The following PAG1 variants were observed in gnomAD, a reference collection of about 807,000 sequenced individuals.
PAG1 encodes phosphoprotein associated with glycosphingolipid-enriched microdomains 1.
In PAG1, 23 loss-of-function variants were observed where a neutral mutation model predicts 31.7. The observed-to-expected ratio is 0.73, with a 90% confidence interval of 0.52 to 1.03. PAG1 has a LOEUF of 1.03. Among genes scored for constraint, PAG1 ranks in the 50% least tolerant of loss-of-function variants. PAG1 has a pLI of 0.00. For synonymous variants in PAG1, 214 were observed against 210.3 expected, an observed-to-expected ratio of 1.02 and a Z score of -0.15; for missense variants, 473 against 540.7, an observed-to-expected ratio of 0.87 and a Z score of 1.24.
intron 4 of PAG1, among the ~76,000 whole-genome samples, chr8:80,991,961 A>G (rs891878280): frequency 6.6e-6 from 1 of 152,026 alleles, no homozygotes; most frequent in African/African-American, 2.4e-5. Flanking sequence ...GCACGCCAGG[A>G]AGGGTACATG....
intron 1 of PAG1, among the ~76,000 whole-genome samples, chr8:81,078,723 A>G (rs1300682508): frequency 6.6e-6 from 1 of 152,162 alleles, no homozygotes; most frequent in East Asian, 1.9e-4. Context: ...CAAAAGAAAA[A>G]TTGTCCAGTG....
rs187357835 is a variant in PAG1 at position 81,060,539 on chromosome 8, T to C, written c.-175+9573A>G. On this transcript the variant is annotated intron_variant, in intron 2 of 8. Transcript: ENST00000220597. ...TTTAGAATAGAAGAAAGCTATTCTT[T>C]CCAGAACAAAATAAATTTCTCTCAG... Among the ~76,000 whole-genome samples the C allele has an allele frequency of 2.9e-3, 439 of 152,354 alleles. 4 individuals carry two copies. Among genetic ancestry groups the C allele is most frequent in the African/African-American group, 0.01 (425 of 41,584 alleles).
At chr8:81,054,686 A>T in intron 2 of PAG1, among the ~76,000 whole-genome samples, 1 of 152,132 alleles carries the variant, frequency 6.6e-6, no homozygotes, top group Non-Finnish European at 1.5e-5. Context: ...AAAAAGAAAA[A>T]AAAAAGAGTA....
chr8:80,992,970 T>G, intron 4 of PAG1, 133 bp downstream of exon 4: 2 of 675,790 alleles, frequency 3.0e-6, no homozygotes, highest in East Asian at 2.8e-5. Flanking sequence ...GAGAAGAGAG[T>G]TAAAGCTAAT....
At chr8:81,064,839 T>C (rs1808976958) in intron 2 of PAG1, among the ~76,000 whole-genome samples, 1 of 152,234 alleles carries the variant, frequency 6.6e-6, no homozygotes, top group Non-Finnish European at 1.5e-5. Context: ...GTTATCTCCA[T>C]GCCTGAGGCT....
intron 2 of PAG1, among the ~76,000 whole-genome samples, chr8:81,052,956 A>G (rs892275450): frequency 1.3e-5 from 2 of 152,240 alleles, no homozygotes; most frequent in African/African-American, 4.8e-5. Flanking sequence ...ATGAGCGGAT[A>G]TTTATTATCC....
At chr8:80,999,715 A>C (rs914960396) in intron 3 of PAG1, among the ~76,000 whole-genome samples, 1 of 152,216 alleles carries the variant, frequency 6.6e-6, no homozygotes, top group Non-Finnish European at 1.5e-5. Context: ...ACTTGTCTTC[A>C]ATAATACATT....
intron 3 of PAG1, among the ~76,000 whole-genome samples, chr8:81,019,004 A>G (rs1350599319): frequency 6.6e-6 from 1 of 152,218 alleles, no homozygotes; most frequent in African/African-American, 2.4e-5. Context: ...TGATATGGAC[A>G]ATAAAGTCCC....
chr8:81,055,505 T>C (rs1020142530), intron 2 of PAG1, among the ~76,000 whole-genome samples: 14 of 152,070 alleles, frequency 9.2e-5, no homozygotes, highest in Non-Finnish European at 1.6e-4. Flanking sequence ...AAGTCACTGG[T>C]AGCTTGATGG....
At chr8:80,980,372 T>C (rs2130368960) in intron 8 of PAG1, 63 bp downstream of exon 8, 11 of 886,638 alleles carry the variant, frequency 1.2e-5, no homozygotes, top group Middle Eastern at 4.4e-4. Flanking sequence ...AGTGCATTTA[T>C]TCAAGGGGGG....
intron 3 of PAG1, among the ~76,000 whole-genome samples, chr8:81,022,998 T>C (rs1308476829): frequency 6.6e-6 from 1 of 152,224 alleles, no homozygotes; most frequent in African/African-American, 2.4e-5. Context: ...ATTATTTTAA[T>C]ATCTTTTCCT....
intron 2 of PAG1, among the ~76,000 whole-genome samples, chr8:81,046,698 T>G (rs1158287810): frequency 6.6e-6 from 1 of 152,144 alleles, no homozygotes; most frequent in South Asian, 2.1e-4. Flanking sequence ...AATTTTTATT[T>G]TAAGTTCAGG....
chr8:81,042,755 C>T (rs1055684427), intron 2 of PAG1, among the ~76,000 whole-genome samples: 4 of 151,908 alleles, frequency 2.6e-5, no homozygotes, highest in African/African-American at 9.7e-5. Context: ...AAGACTTTTC[C>T]CTCCCATTTC....
At chr8:81,047,650 A>C (rs1231590860) in intron 2 of PAG1, among the ~76,000 whole-genome samples, 1 of 152,220 alleles carries the variant, frequency 6.6e-6, no homozygotes, top group Non-Finnish European at 1.5e-5. Flanking sequence ...TACAAACTTC[A>C]ATTTTAAAAA....
rs1807037564 is a variant in PAG1, at chr8:80,969,725, C to T, written c.*6819G>A. 1 of 152,198 alleles carries T rather than the reference C, an allele frequency of 6.6e-6. No individual in the cohort carries two copies. Among genetic ancestry groups the T allele is most frequent in the South Asian group, 2.1e-4 (1 of 4,826 alleles). 9.4% of individuals were successfully genotyped at this position (152,198 alleles called of 1,614,324 possible). The stretch of plus-strand genomic sequence containing the variant: ...TTCTGCTAATTTTGAAAAAAAGTTA[C>T]ACTCTAAAATGTCCATTCAAAGAAT... On this transcript the variant is annotated 3_prime_UTR_variant, in exon 9 of 9. Coordinates refer to ENST00000220597, the MANE Select transcript of PAG1 (RefSeq NM_018440.4).
At chr8:81,002,170 G>A (rs997217329) in intron 3 of PAG1, among the ~76,000 whole-genome samples, 2 of 151,858 alleles carry the variant, frequency 1.3e-5, no homozygotes, top group African/African-American at 4.8e-5. Flanking sequence ...GCATTGCTTT[G>A]CACTGTTTTT....
chr8:81,054,988 C>T (rs1316599122), intron 2 of PAG1, among the ~76,000 whole-genome samples: 4 of 151,938 alleles, frequency 2.6e-5, no homozygotes, highest in African/African-American at 9.7e-5. Flanking sequence ...CCTTGAGGCA[C>T]ATCAATAGAT....
chr8:81,042,625 G>A (rs1305560147), intron 2 of PAG1, among the ~76,000 whole-genome samples: 1 of 151,924 alleles, frequency 6.6e-6, no homozygotes, highest in African/African-American at 2.4e-5. Context: ...GGGGTGGGTA[G>A]GTGTATGTGT....
Position 81,063,307 on chromosome 8 carries a change from G to T in PAG1, c.-175+6805C>A, listed in dbSNP as rs1056820333. ...TTCCTAAAGTGGCAGGCCCACAAAA[G>T]AAGTATCTTTTTTCATGACATGAAA... On this transcript the variant is annotated intron_variant, in intron 2 of 8. Coordinates refer to ENST00000220597, the MANE Select transcript of PAG1 (RefSeq NM_018440.4). Among the ~76,000 whole-genome samples the T allele has an allele frequency of 4.6e-5, 7 of 152,222 alleles. No homozygotes were observed. The East Asian group carries it at 1.4e-3, about 29-fold the overall frequency.
Sources: gnomAD v4.1 joint callset for allele counts (sites outside exome capture counted in the v4.1 genomes callset) on GRCh38, gnomAD v4.1.1 for gene constraint, MANE v1.5 for transcripts, NCBI Gene and HGNC (gene_info 2026-07-23, HGNC 2026-07-21) for gene names.